The following STN1 variants were observed in gnomAD, a reference collection of about 807,000 sequenced individuals.
STN1 encodes the protein CST complex subunit STN1.
STN1 carries 29 observed loss-of-function variants against 45.5 expected under a neutral mutation model. That is an observed-to-expected ratio of 0.64 (90% CI 0.47 to 0.87). The LOEUF (loss-of-function observed/expected upper bound fraction) is 0.87, where lower values mean the gene tolerates loss of function less well. Among genes scored for constraint, STN1 ranks in the 40% least tolerant of loss-of-function variants. The probability of loss-of-function intolerance (pLI) is 0.00; values close to 1 mark genes in which losing one functional copy is unlikely to be tolerated. For synonymous variants in STN1, 148 were observed against 159.0 expected (o/e 0.93, Z 0.52); for missense variants, 376 against 441.4 (o/e 0.85, Z 1.33).
At chr10:103,904,450 T>TAAA (rs35731846) in intron 4 of STN1, among the ~76,000 whole-genome samples, 1 of 142,458 alleles carries the variant, frequency 7.0e-6, no homozygotes, top group East Asian at 2.0e-4. Context: ...AACCTAACTT[T>TAAA]AAAAAAAAAA....
intron 2 of STN1, among the ~76,000 whole-genome samples, chr10:103,911,761 G>A (rs548263218): frequency 2.2e-4 from 34 of 152,180 alleles, no homozygotes; most frequent in Admixed American, 3.9e-4. Flanking sequence ...ATCAAGCATA[G>A]TCACAGCTTC....
At chr10:103,889,952 G>A (rs184858632) in intron 8 of STN1, among the ~76,000 whole-genome samples, 7 of 152,104 alleles carry the variant, frequency 4.6e-5, no homozygotes, top group South Asian at 2.1e-4. Flanking sequence ...GATTCCACCC[G>A]ACTTGGCCTC....
chr10:103,914,372 A>ATTTTTTT (rs1564636185), intron 2 of STN1, among the ~76,000 whole-genome samples: 1 of 82,702 alleles, frequency 1.2e-5, no homozygotes, highest in African/African-American at 5.7e-5. Flanking sequence ...ATATATATAT[A>ATTTTTTT]TATTTTTTTT....
At chr10:103,896,333 G>A (rs970562638) in intron 7 of STN1, among the ~76,000 whole-genome samples, 5 of 152,098 alleles carry the variant, frequency 3.3e-5, no homozygotes, top group African/African-American at 9.7e-5. Context: ...GACCAGTGAC[G>A]TCAGATACAA....
chr10:103,887,167 T>C (rs1057440699), intron 9 of STN1, among the ~76,000 whole-genome samples: 3 of 152,226 alleles, frequency 2.0e-5, no homozygotes, highest in Admixed American at 1.3e-4. Context: ...TACCTATACA[T>C]GTAACAGCAT....
intron 4 of STN1, among the ~76,000 whole-genome samples, chr10:103,901,311 T>A (rs1236218987): frequency 2.6e-5 from 4 of 152,234 alleles, no homozygotes; most frequent in African/African-American, 4.8e-5. Context: ...GGAATTGAAC[T>A]CCTGGCCTCA....
At chr10:103,910,384 T>G in intron 3 of STN1, 143 bp downstream of exon 3, 1 of 512,874 alleles carries the variant, frequency 1.9e-6, no homozygotes, top group East Asian at 3.0e-5. Context: ...TCTGGGGCTA[T>G]AAGGGGCACC....
Position 103,900,240 on chromosome 10 carries a change from C to A in STN1, c.296-17G>T, listed in dbSNP as rs375828885. 2.3e-5 allele frequency: 37 copies of A among 1,611,570 alleles called. No homozygotes were observed. The highest frequency in any genetic ancestry group is 1.7e-4 in the Middle Eastern group (1 of 6,008). ...TTGGAGCAGCTGTAGTTGTTTAGAG[C>A]CAGAGGGAAAGAGAAAAAGTTATAA... On this transcript the variant is annotated splice_polypyrimidine_tract_variant and intron_variant, in intron 4 of 9. Transcript: ENST00000224950.
rs1312614272 is a variant in STN1, at chr10:103,917,610, T to A, written c.-16A>T. On this transcript the variant is annotated 5_prime_UTR_variant, in exon 2 of 10. Transcript: ENST00000224950. Reference sequence around the variant, plus strand: ...CAGGCTGCATCAAGAGGCAGGGCTGTGGCTTCCAGCTAACTCTGAAAGGTT... The same window carrying A: ...CAGGCTGCATCAAGAGGCAGGGCTGAGGCTTCCAGCTAACTCTGAAAGGTT... The A allele has an allele frequency of 6.2e-7, 1 of 1,611,472 alleles. No homozygotes were observed. The highest frequency in any genetic ancestry group is 8.5e-7 in the Non-Finnish European group (1 of 1,178,942).
intron 3 of STN1, among the ~76,000 whole-genome samples, chr10:103,909,482 A>ATATG (rs1564635121): frequency 6.4e-5 from 7 of 109,482 alleles, no homozygotes; most frequent in Admixed American, 2.2e-4. Context: ...ATATATGTAT[A>ATATG]TATATGTGTG....
rs1473387484 is a variant in STN1 at position 103,912,474 on chromosome 10, T to G, written c.134-1852A>C. ...CCTGCACTGACCAAACGCAAAAGGA[T>G]AGGGAGCCTGCAGAGAAGGGAGATC... is the stretch of plus-strand genomic sequence containing the variant. On this transcript the variant is annotated intron_variant, in intron 2 of 9. Coordinates refer to ENST00000224950, the MANE Select transcript of STN1 (RefSeq NM_024928.5). 2.6e-5 allele frequency among the ~76,000 whole-genome samples: 4 copies of G among 152,228 alleles called. No homozygotes were observed. In the South Asian group the frequency reaches 6.2e-4, roughly 24 times the overall value.
chr10:103,908,915 T>C (rs1564634784), intron 3 of STN1, among the ~76,000 whole-genome samples: 4 of 150,118 alleles, frequency 2.7e-5, no homozygotes, highest in Admixed American at 2.0e-4. Context: ...GGGTGGGGGA[T>C]GGAAGAAAGG....
At chr10:103,890,283 T>C (rs1275754164) in intron 8 of STN1, among the ~76,000 whole-genome samples, 1 of 152,202 alleles carries the variant, frequency 6.6e-6, no homozygotes, top group African/African-American at 2.4e-5. Flanking sequence ...CACAAGGTTA[T>C]GACGAAGATT....
chr10:103,901,555 T>C (rs185691627), intron 4 of STN1, among the ~76,000 whole-genome samples: 110 of 152,338 alleles, frequency 7.2e-4, no homozygotes, highest in African/African-American at 2.3e-3. Flanking sequence ...GTTTCCTTTC[T>C]ACACTTACGC....
intron 2 of STN1, among the ~76,000 whole-genome samples, chr10:103,916,831 T>C (rs545251147): frequency 6.6e-6 from 1 of 152,042 alleles, no homozygotes; most frequent in East Asian, 1.9e-4. Flanking sequence ...ACATGTATAA[T>C]GCCTTGTTGC....
rs1483703147 is a variant in STN1 at position 103,882,278 on chromosome 10, C to A, written c.*406G>T. 2.0e-5 allele frequency among the ~76,000 whole-genome samples: 3 copies of A among 152,374 alleles called. No individual in the cohort carries two copies. The East Asian group carries it at 5.8e-4, about 29-fold the overall frequency. The stretch of plus-strand genomic sequence containing the variant: ...ACCTGAAGTTTTGAAAAGCTTAGAA[C>A]TGTGTGATCAGGCCATATGCCCCTC... On this transcript the variant is annotated 3_prime_UTR_variant, in exon 10 of 10. Coordinates refer to ENST00000224950, the MANE Select transcript of STN1 (RefSeq NM_024928.5).
At chr10:103,911,769 T>C (rs1265165) in intron 2 of STN1, among the ~76,000 whole-genome samples, 128,817 of 152,112 alleles carry the variant, frequency 0.85, 55,458 homozygotes, top group East Asian at 1. Flanking sequence ...TAGTCACAGC[T>C]TCTATTCTGT....
Position 103,881,200 on chromosome 10 carries a change from T to C in STN1, c.*1484A>G, listed in dbSNP as rs183233956. Among the ~76,000 whole-genome samples, 6 of 152,366 alleles carry C rather than the reference T, an allele frequency of 3.9e-5. No individual in the cohort carries two copies. Among genetic ancestry groups the C allele is most frequent in the Admixed American group, 3.9e-4 (6 of 15,314 alleles). On this transcript the variant is annotated 3_prime_UTR_variant, in exon 10 of 10. Coordinates refer to ENST00000224950, the MANE Select transcript of STN1 (RefSeq NM_024928.5). ...CTAGATTATACAGCAATGAACACCT[T>C]GTGCAACCATCCTTTCACACTTGTG... is the stretch of plus-strand genomic sequence containing the variant.
chr10:103,888,998 C>G, intron 9 of STN1, 74 bp downstream of exon 9: 2 of 1,053,548 alleles, frequency 1.9e-6, no homozygotes, highest in Non-Finnish European at 3.0e-6. Flanking sequence ...TCCTGACTCT[C>G]CATCCAGTGC....
Sources: gnomAD v4.1 joint callset for allele counts (sites outside exome capture counted in the v4.1 genomes callset) on GRCh38, gnomAD v4.1.1 for gene constraint, MANE v1.5 for transcripts, NCBI Gene and HGNC (gene_info 2026-07-23, HGNC 2026-07-21) for gene names.